TMBIM1: variants seen among roughly 807,000 people sequenced by gnomAD.
The protein encoded by TMBIM1 is protein lifeguard 3.
A neutral mutation model predicts 45.1 loss-of-function variants in TMBIM1; 34 were observed. That is an observed-to-expected ratio of 0.75 (90% CI 0.57 to 1.00). The LOEUF (loss-of-function observed/expected upper bound fraction) is 1.00, where lower values mean the gene tolerates loss of function less well. Ranked by LOEUF, TMBIM1 falls within the 50% of genes least tolerant of loss-of-function variation. The probability of loss-of-function intolerance (pLI) is 0.00; values close to 1 mark genes in which losing one functional copy is unlikely to be tolerated. For synonymous variants in TMBIM1, 157 were observed against 153.5 expected (o/e 1.02, Z -0.17); for missense variants, 374 against 402.4 (o/e 0.93, Z 0.60).
intron 1 of TMBIM1, among the ~76,000 whole-genome samples, chr2:218,291,190 C>T (rs1044303505): frequency 2.0e-5 from 3 of 152,196 alleles, no homozygotes; most frequent in Non-Finnish European, 4.4e-5. Context: ...CTGAAGGGCT[C>T]ATTTTTACAA....
Position 218,278,512 on chromosome 2 carries a change from C to T in TMBIM1, c.473+3G>A, listed in dbSNP as rs758301651. On this transcript the variant is annotated splice_donor_region_variant and intron_variant, in intron 6 of 11. Transcript: ENST00000258412. ...CTCACTGTGTTAAGTCTCTGGGACT[C>T]ACCTGGGTCCCTGGCAGCAGGCAAG... 1.2e-6 allele frequency: 2 copies of T among 1,614,162 alleles called. No homozygotes were observed. Among genetic ancestry groups the T allele is most frequent in the Non-Finnish European group, 1.7e-6 (2 of 1,179,994 alleles).
At chr2:218,276,825 G>T (rs1287542435) in intron 10 of TMBIM1, among the ~76,000 whole-genome samples, 179 bp downstream of exon 10, 2 of 152,156 alleles carry the variant, frequency 1.3e-5, no homozygotes, top group Admixed American at 6.5e-5. Context: ...TCTCCACACA[G>T]AGAGTCTACC....
intron 1 of TMBIM1, among the ~76,000 whole-genome samples, chr2:218,290,414 C>T (rs1040272610): frequency 5.3e-5 from 8 of 152,210 alleles, no homozygotes; most frequent in African/African-American, 2.4e-5. Context: ...CCTAACTCCT[C>T]GTCTCTTATA....
In TMBIM1 at chr2:218,279,280, G is replaced by A. The variant is rs1270616419; in HGVS notation, c.368+9C>T. The A allele has an allele frequency of 1.3e-6, 2 of 1,574,218 alleles. No individual in the cohort carries two copies. Among genetic ancestry groups the A allele is most frequent in the South Asian group, 1.2e-5 (1 of 84,944 alleles). On this transcript the variant is annotated intron_variant, in intron 4 of 11. Transcript: ENST00000258412. ...CAGTAGGAGTGGGTGGCAAAGCCTA[G>A]AGACTTACACAAAGGTGAAGATAGC...
intron 7 of TMBIM1, 112 bp downstream of exon 7, chr2:218,277,823 T>C (rs185887706): frequency 6.4e-7 from 1 of 1,554,854 alleles, no homozygotes; most frequent in East Asian, 2.3e-5. Context: ...GCGGCCCAGA[T>C]AAGGTGGAGG....
In TMBIM1 at chr2:218,277,241, A is replaced by G. The variant is rs2106191525; in HGVS notation, c.639+125T>C. ...CATTCTAAGGACAGAAACAGGACAC[A>G]GTTTTGTAGGTGCGGATGAGGAGAA... On this transcript the variant is annotated intron_variant, in intron 9 of 11. Transcript: ENST00000258412. 5 of 1,163,900 alleles carry G rather than the reference A, an allele frequency of 4.3e-6. 1 individual carries two copies. The highest frequency in any genetic ancestry group is 6.5e-6 in the Non-Finnish European group (5 of 773,692). 72.1% of individuals were successfully genotyped at this position (1,163,900 alleles called of 1,614,324 possible).
chr2:218,287,615 C>G (rs1464161545), intron 1 of TMBIM1, among the ~76,000 whole-genome samples: 2 of 152,158 alleles, frequency 1.3e-5, no homozygotes, highest in East Asian at 3.8e-4. Context: ...GAGGCTGAGG[C>G]AGGGGGATCG....
chr2:218,290,924 T>C (rs1692890497), intron 1 of TMBIM1, among the ~76,000 whole-genome samples: 1 of 152,170 alleles, frequency 6.6e-6, no homozygotes, highest in African/African-American at 2.4e-5. Flanking sequence ...TCCCAGAGAA[T>C]TGTATGAGCT....
intron 3 of TMBIM1, 121 bp downstream of exon 3, chr2:218,279,905 G>A (rs1691692539): frequency 2.6e-6 from 2 of 773,634 alleles, no homozygotes; most frequent in African/African-American, 1.7e-5. Flanking sequence ...CAAGGCTAGA[G>A]AAGACAGGCA....
chr2:218,284,480 G>T (rs918770701), intron 1 of TMBIM1, among the ~76,000 whole-genome samples: 2 of 152,234 alleles, frequency 1.3e-5, no homozygotes, highest in African/African-American at 2.4e-5. Flanking sequence ...CAGAGAGAAG[G>T]GTCAGCCTCG....
intron 2 of TMBIM1, among the ~76,000 whole-genome samples, chr2:218,281,193 G>C (rs71415828): frequency 7.2e-6 from 1 of 138,962 alleles, no homozygotes; most frequent in Admixed American, 7.8e-5. Context: ...AAGTGCAGTA[G>C]TGCGATCCTG....
intron 2 of TMBIM1, 49 bp from the exon 3 acceptor site, chr2:218,280,175 G>T: frequency 7.3e-7 from 1 of 1,367,998 alleles, no homozygotes; most frequent in Non-Finnish European, 1.0e-6. Flanking sequence ...GACATGTGGC[G>T]TCAATCCCAA....
chr2:218,280,596 G>A (rs550378985), intron 2 of TMBIM1: 5 of 215,280 alleles, frequency 2.3e-5, no homozygotes, highest in Non-Finnish European at 3.8e-5. Flanking sequence ...AAGGGTGTGC[G>A]TGACTGTGCA....
chr2:218,280,146 G>A lies in TMBIM1; in HGVS notation c.203-20C>T, dbSNP rs1029873028. 8 of 1,578,608 alleles carry A rather than the reference G, an allele frequency of 5.1e-6. No homozygotes were observed. Among genetic ancestry groups the A allele is most frequent in the East Asian group, 2.2e-5 (1 of 44,738 alleles). On this transcript the variant is annotated intron_variant, in intron 2 of 11. Transcript: ENST00000258412. ...CTGGGCCTAGGGACAGATGACACTT[G>A]ACTCAGCTGGGGACCTGAGACATGT...
chr2:218,275,445 C>G lies in TMBIM1; in HGVS notation c.*30G>C. The G allele has an allele frequency of 6.2e-7, 1 of 1,601,644 alleles. No individual in the cohort carries two copies. ...GCCCTCTAGCTTGGAAGGGAGAGCCCAGGATCGGGTGAAAATGGGGGCTTG... is the reference window on the plus strand; with the variant it reads ...GCCCTCTAGCTTGGAAGGGAGAGCCGAGGATCGGGTGAAAATGGGGGCTTG... On this transcript the variant is annotated 3_prime_UTR_variant, in exon 12 of 12. Transcript: ENST00000258412.
In TMBIM1 at chr2:218,277,310, G is replaced by A. The variant is rs1440255248; in HGVS notation, c.639+56C>T. On this transcript the variant is annotated intron_variant, in intron 9 of 11. Transcript: ENST00000258412. ...GAACATCCCTAGTGTGCCGGGGTCC[G>A]GGCCTGATAAGAAAGGGGAGTCGGG... 3.5e-5 allele frequency: 53 copies of A among 1,526,648 alleles called. 1 individual carries two copies. Among genetic ancestry groups the A allele is most frequent in the East Asian group, 4.5e-5 (2 of 44,460 alleles). The allele number at this position is 1,526,648 out of a possible 1,614,324, so 94.6% of individuals were successfully genotyped here.
chr2:218,281,883 A>T (rs1692040121), intron 2 of TMBIM1, 57 bp downstream of exon 2: 17 of 1,415,886 alleles, frequency 1.2e-5, no homozygotes, highest in Non-Finnish European at 1.7e-5. Flanking sequence ...CGGTGGCCTC[A>T]TCTGCTCCAA....
intron 2 of TMBIM1, 40 bp from the exon 3 acceptor site, chr2:218,280,166 A>T: frequency 6.9e-7 from 1 of 1,450,194 alleles, no homozygotes; most frequent in Non-Finnish European, 9.7e-7. Flanking sequence ...GGGACCTGAG[A>T]CATGTGGCGT....
intron 7 of TMBIM1, 129 bp from the exon 8 acceptor site, chr2:218,277,799 G>T: frequency 6.5e-7 from 1 of 1,543,344 alleles, no homozygotes; most frequent in African/African-American, 1.4e-5. Flanking sequence ...CAGCCACAGA[G>T]GAGATCAGAA....
Sources: gnomAD v4.1 joint callset for allele counts (sites outside exome capture counted in the v4.1 genomes callset) on GRCh38, gnomAD v4.1.1 for gene constraint, MANE v1.5 for transcripts, NCBI Gene and HGNC (gene_info 2026-07-23, HGNC 2026-07-21) for gene names.